The following EDNRB variants were observed in gnomAD, a reference collection of about 807,000 sequenced individuals.
EDNRB encodes the protein Hirschsprung disease 2.
EDNRB carries 18 observed loss-of-function variants against 46.4 expected under a neutral mutation model. The ratio of observed to expected loss-of-function variants is 0.39; its 90% CI spans 0.27 to 0.57. The LOEUF is 0.57. Among genes scored for constraint, EDNRB ranks in the 20% least tolerant of loss-of-function variants. The probability of loss-of-function intolerance (pLI) is 0.61; values close to 1 mark genes in which losing one functional copy is unlikely to be tolerated. For synonymous variants in EDNRB, 213 were observed against 204.9 expected, an observed-to-expected ratio of 1.04 and a Z score of -0.34; for missense variants, 434 against 537.5, an observed-to-expected ratio of 0.81 and a Z score of 1.90.
chr13:77,919,743 CG>C, upstream of EDNRB: 1 of 861,082 alleles, frequency 1.2e-6, no homozygotes. Flanking sequence ...AGTCCTCGTC[CG>C]GGGACAGGTC....
chr13:77,919,289 T>C (rs1160366540), upstream of EDNRB: 3 of 1,214,682 alleles, frequency 2.5e-6, no homozygotes, highest in Non-Finnish European at 3.4e-6. Context: ...GCCCTCTCTA[T>C]AGGCTTAATT....
intron 1 of EDNRB, among the ~76,000 whole-genome samples, chr13:77,929,851 T>G (rs1880339546): frequency 6.6e-6 from 1 of 152,220 alleles, no homozygotes; most frequent in Non-Finnish European, 1.5e-5. Flanking sequence ...GTGTCTCCAT[T>G]GTGAGATTTA....
At chr13:77,953,333 G>A (rs1022555161) in intron 1 of EDNRB, among the ~76,000 whole-genome samples, 2 of 151,528 alleles carry the variant, frequency 1.3e-5, no homozygotes, top group Non-Finnish European at 2.9e-5. Flanking sequence ...TATTACATAT[G>A]TATACTGTAT....
chr13:77,900,020 T>TAGTC, intron 5 of EDNRB, 53 bp from the exon 6 acceptor site: 1 of 1,449,788 alleles, frequency 6.9e-7, no homozygotes. Context: ...TCTGAACATG[T>TAGTC]AGTCATTGTA....
At chr13:77,917,848 G>A (rs191142992) in intron 1 of EDNRB, among the ~76,000 whole-genome samples, 84 of 152,260 alleles carry the variant, frequency 5.5e-4, no homozygotes, top group African/African-American at 1.9e-3. Flanking sequence ...TGGGGACTAC[G>A]CTTGTCCTAA....
intron 1 of EDNRB, among the ~76,000 whole-genome samples, chr13:77,911,200 A>T (rs1879550603): frequency 1.3e-5 from 2 of 152,056 alleles, no homozygotes; most frequent in South Asian, 4.1e-4. Context: ...TTCTAAGATC[A>T]CTGGTGATAT....
intron 1 of EDNRB, among the ~76,000 whole-genome samples, chr13:77,953,382 A>C (rs1221993201): frequency 6.6e-6 from 1 of 151,106 alleles, no homozygotes; most frequent in Non-Finnish European, 1.5e-5. Context: ...ATATATATAT[A>C]TCTTTTATTT....
chr13:77,927,295 G>A (rs1880265597), intron 1 of EDNRB, among the ~76,000 whole-genome samples: 1 of 152,122 alleles, frequency 6.6e-6, no homozygotes, highest in Non-Finnish European at 1.5e-5. Flanking sequence ...AGCTGAGGTA[G>A]GTTGAGGGCT....
chr13:77,897,945 T>G lies in EDNRB; in HGVS notation c.*255A>C. The G allele has an allele frequency of 8.0e-7, 1 of 1,251,836 alleles. No individual in the cohort carries two copies. Among genetic ancestry groups the G allele is most frequent in the Non-Finnish European group, 1.0e-6 (1 of 988,184 alleles). The allele number at this position is 1,251,836 out of a possible 1,614,324, so 77.5% of individuals were successfully genotyped here. On this transcript the variant is annotated 3_prime_UTR_variant, in exon 7 of 7. Coordinates refer to ENST00000646607, the MANE Select transcript of EDNRB (RefSeq NM_001122659.3). ...ATCCTGGAAGTTGTTAAGAGCTATG[T>G]TGAAGTGCTAACTGTAAAAAATTAA...
At chr13:77,956,666 C>A (rs942731101) in intron 1 of EDNRB, among the ~76,000 whole-genome samples, 1 of 152,188 alleles carries the variant, frequency 6.6e-6, no homozygotes, top group African/African-American at 2.4e-5. Flanking sequence ...AACTCTGACA[C>A]AGGTCTTACT....
At chr13:77,902,903 A>C (rs925959682) in intron 3 of EDNRB, among the ~76,000 whole-genome samples, 1 of 151,906 alleles carries the variant, frequency 6.6e-6, no homozygotes, top group Non-Finnish European at 1.5e-5. Flanking sequence ...ATAAATTCAC[A>C]TCAATTCTTT....
upstream of EDNRB, among the ~76,000 whole-genome samples, chr13:77,922,931 T>C (rs1274005285): frequency 6.6e-6 from 1 of 152,210 alleles, no homozygotes; most frequent in East Asian, 1.9e-4. Context: ...ACACTATTTC[T>C]GCTTTATCAA....
At chr13:77,915,057 C>T (rs1280182759) in intron 1 of EDNRB, among the ~76,000 whole-genome samples, 1 of 151,990 alleles carries the variant, frequency 6.6e-6, no homozygotes, top group Non-Finnish European at 1.5e-5. Flanking sequence ...TAGATTTAAG[C>T]CTCTCATATT....
chr13:77,907,833 A>G (rs1199507374), intron 1 of EDNRB, among the ~76,000 whole-genome samples: 1 of 151,718 alleles, frequency 6.6e-6, no homozygotes, highest in Non-Finnish European at 1.5e-5. Context: ...TAGAAATTGG[A>G]TTATTGCTCT....
At chr13:77,901,290 A>G (rs1422417373) in intron 3 of EDNRB, 83 bp from the exon 4 acceptor site, 2 of 1,422,288 alleles carry the variant, frequency 1.4e-6, no homozygotes, top group Non-Finnish European at 1.9e-6. Flanking sequence ...AAAAAAATTC[A>G]TCAGGGAATG....
intron 1 of EDNRB, among the ~76,000 whole-genome samples, chr13:77,929,950 T>C (rs1880343399): frequency 6.6e-6 from 1 of 152,230 alleles, no homozygotes; most frequent in African/African-American, 2.4e-5. Flanking sequence ...TACTAATATA[T>C]GTTCTGGTTT....
chr13:77,967,629 C>T lies in EDNRB; in HGVS notation c.-52+7718G>A, dbSNP rs567489091. Among the ~76,000 whole-genome samples, 6 of 152,250 alleles carry T rather than the reference C, an allele frequency of 3.9e-5. No individual in the cohort carries two copies. In the East Asian group the frequency reaches 1.2e-3, roughly 29 times the overall value. On this transcript the variant is annotated intron_variant, in intron 1 of 7. Transcript: ENST00000646948. ...TGATGCATCTATTTCAATAGTGCAA[C>T]CTACATTGGTAGAGAATTATGGTTA...
At chr13:77,963,523 G>C (rs1391219047) in intron 1 of EDNRB, among the ~76,000 whole-genome samples, 1 of 152,126 alleles carries the variant, frequency 6.6e-6, no homozygotes, top group Non-Finnish European at 1.5e-5. Flanking sequence ...ATGGGGAAAG[G>C]ATTCCCTATT....
intron 1 of EDNRB, among the ~76,000 whole-genome samples, chr13:77,909,445 T>G (rs1488033677): frequency 6.6e-6 from 1 of 151,770 alleles, no homozygotes; most frequent in African/African-American, 2.4e-5. Flanking sequence ...AGATAATAAA[T>G]GAAGAAAAAA....
Sources: gnomAD v4.1 joint callset for allele counts (sites outside exome capture counted in the v4.1 genomes callset) on GRCh38, gnomAD v4.1.1 for gene constraint, MANE v1.5 for transcripts, NCBI Gene and HGNC (gene_info 2026-07-23, HGNC 2026-07-21) for gene names.